Variants in NPEPPS observed in about 807,000 individuals in gnomAD.
NPEPPS encodes the protein puromycin-sensitive aminopeptidase.
Under a neutral mutation model 115.5 loss-of-function variants are expected in NPEPPS, and 14 were observed. The ratio of observed to expected loss-of-function variants is 0.12; its 90% CI spans 0.08 to 0.19. The LOEUF is 0.19. Among genes scored for constraint, NPEPPS ranks in the 10% least tolerant of loss-of-function variants. NPEPPS has a pLI of 1.00. For synonymous variants in NPEPPS, 285 were observed against 390.6 expected, an observed-to-expected ratio of 0.73 and a Z score of 3.19; for missense variants, 523 against 1,110.8, an observed-to-expected ratio of 0.47 and a Z score of 7.52.
chr17:47,549,858 A>G (rs1199870691), intron 2 of NPEPPS, among the ~76,000 whole-genome samples: 4 of 150,764 alleles, frequency 2.7e-5, no homozygotes, highest in African/African-American at 9.7e-5. Context: ...GTATATATAT[A>G]TATAATTTAA....
At chr17:47,615,554 C>T (rs180711572) in intron 19 of NPEPPS, among the ~76,000 whole-genome samples, 6 of 152,248 alleles carry the variant, frequency 3.9e-5, no homozygotes, top group African/African-American at 1.4e-4. Flanking sequence ...AAGACCCTAT[C>T]TTAAAAAAGA....
At chr17:47,588,317 T>C (rs1031136610) in intron 9 of NPEPPS, among the ~76,000 whole-genome samples, 2 of 152,262 alleles carry the variant, frequency 1.3e-5, no homozygotes, top group Non-Finnish European at 2.9e-5. Flanking sequence ...ATCCCAGCAC[T>C]TTGGGAGGCT....
chr17:47,559,596 G>A (rs778209197), intron 2 of NPEPPS: 11 of 454,218 alleles, frequency 2.4e-5, no homozygotes, highest in Non-Finnish European at 4.9e-5. Context: ...AATACTTAAG[G>A]TTCATCTTTT....
In NPEPPS at chr17:47,579,408, T is replaced by C; in HGVS notation, c.437T>C (p.Ile146Thr). The C allele has an allele frequency of 6.2e-7, 1 of 1,609,600 alleles. No homozygotes were observed. Among genetic ancestry groups the C allele is most frequent in the African/African-American group, 1.3e-5 (1 of 74,838 alleles). ...TLQTGTGTLK[I>T]DFVGELNDKM... Reference sequence around the variant, plus strand: ...ATCACAGGTACGGGAACCTTAAAGATAGATTTTGTTGGAGAGCTGAATGAC... The same window carrying C: ...ATCACAGGTACGGGAACCTTAAAGACAGATTTTGTTGGAGAGCTGAATGAC... Residue 146 changes from isoleucine (I) to threonine (T), a missense_variant, in exon 4 of 23, where the codon ATA becomes ACA. Coordinates refer to ENST00000322157, the MANE Select transcript of NPEPPS (RefSeq NM_006310.4).
intron 1 of NPEPPS, among the ~76,000 whole-genome samples, chr17:47,543,091 C>T (rs189041982): frequency 4.0e-4 from 60 of 148,968 alleles, no homozygotes; most frequent in African/African-American, 1.4e-3. Flanking sequence ...GAGCCAAGAT[C>T]GCAAGATCGC....
chr17:47,562,607 A>AGT (rs4060776), intron 2 of NPEPPS, among the ~76,000 whole-genome samples: 7,965 of 147,336 alleles, frequency 0.054, 234 homozygotes, highest in East Asian at 0.12. Flanking sequence ...TTTGATGCAG[A>AGT]GTGTGTGTGT....
At chr17:47,526,017 C>T (rs1283871815) in intron 1 of NPEPPS, among the ~76,000 whole-genome samples, 1 of 152,072 alleles carries the variant, frequency 6.6e-6, no homozygotes, top group Non-Finnish European at 1.5e-5. Context: ...TTGAGATCAG[C>T]CTGACCAACA....
chr17:47,600,949 G>A (rs1443450649), intron 14 of NPEPPS, among the ~76,000 whole-genome samples: 4 of 152,120 alleles, frequency 2.6e-5, no homozygotes, highest in East Asian at 1.9e-4. Context: ...AAGGCTGGGC[G>A]CAGTGGCTTA....
chr17:47,611,580 C>T (rs1262852616), intron 17 of NPEPPS, among the ~76,000 whole-genome samples: 1 of 152,106 alleles, frequency 6.6e-6, no homozygotes, highest in East Asian at 1.9e-4. Flanking sequence ...TCAAGCGATC[C>T]TCCCTCCCCA....
chr17:47,526,768 C>CTG (rs1301049893), upstream of NPEPPS, among the ~76,000 whole-genome samples: 1 of 151,786 alleles, frequency 6.6e-6, no homozygotes, highest in Non-Finnish European at 1.5e-5. Flanking sequence ...ACCATCCTGG[C>CTG]TAACACGGTG....
At position 47,582,448 on chromosome 17, in the gene NPEPPS, C is replaced by T. The variant is rs1231756714; in HGVS notation, c.541-294C>T. 3.3e-5 allele frequency: 12 copies of T among 360,660 alleles called. No individual in the cohort carries two copies. The East Asian group carries it at 7.8e-4, about 23-fold the overall frequency. The allele number at this position is 360,660 out of a possible 1,614,324, so 22.3% of individuals were successfully genotyped here. On this transcript the variant is annotated intron_variant, in intron 4 of 22. Transcript: ENST00000322157. ...TGTGTTAACATTATTGATTTGAAGG[C>T]ATTTGCATTAAATTTGAAATGTTAA...
chr17:47,578,484 C>G (rs1460810729), intron 3 of NPEPPS, among the ~76,000 whole-genome samples: 1 of 151,432 alleles, frequency 6.6e-6, no homozygotes, highest in Non-Finnish European at 1.5e-5. Flanking sequence ...ACTGTTTTGC[C>G]ATGCATCTGT....
intron 1 of NPEPPS, among the ~76,000 whole-genome samples, chr17:47,537,733 G>A (rs1908406396): frequency 6.6e-6 from 1 of 150,952 alleles, no homozygotes; most frequent in African/African-American, 2.4e-5. Flanking sequence ...TAATCTGAAT[G>A]GAAATATTTC....
chr17:47,543,578 C>T (rs1908946916), intron 1 of NPEPPS, among the ~76,000 whole-genome samples: 1 of 151,624 alleles, frequency 6.6e-6, no homozygotes, highest in South Asian at 2.1e-4. Context: ...CCACCCACCT[C>T]AGCCTCCCAG....
At chr17:47,588,283 C>T (rs1413841029) in intron 9 of NPEPPS, among the ~76,000 whole-genome samples, 1 of 151,944 alleles carries the variant, frequency 6.6e-6, no homozygotes, top group African/African-American at 2.4e-5. Flanking sequence ...AATTTCAGGC[C>T]GGGCACGGTG....
At chr17:47,537,180 A>G (rs1252970352) in intron 1 of NPEPPS, among the ~76,000 whole-genome samples, 1 of 152,014 alleles carries the variant, frequency 6.6e-6, no homozygotes, top group African/African-American at 2.4e-5. Flanking sequence ...AAAGGAAGAA[A>G]TTTTCTTAAA....
chr17:47,586,903 C>T (rs1412696976), intron 8 of NPEPPS: 2 of 395,698 alleles, frequency 5.1e-6, no homozygotes, highest in Non-Finnish European at 9.6e-6. Flanking sequence ...CCACCACTCC[C>T]CTCATTTAAT....
intron 5 of NPEPPS, among the ~76,000 whole-genome samples, chr17:47,585,125 C>A (rs1912108693): frequency 6.6e-6 from 1 of 152,198 alleles, no homozygotes; most frequent in African/African-American, 2.4e-5. Context: ...CCGCGCCTAG[C>A]CCCTATTTTA....
intron 1 of NPEPPS, among the ~76,000 whole-genome samples, chr17:47,531,768 GA>G (rs1907795679): frequency 6.6e-6 from 1 of 152,032 alleles, no homozygotes. Flanking sequence ...GGCCGGAGCT[GA>G]GGCTGGGGCT....
Sources: gnomAD v4.1 joint callset for allele counts (sites outside exome capture counted in the v4.1 genomes callset) on GRCh38, gnomAD v4.1.1 for gene constraint, MANE v1.5 for transcripts, NCBI Gene and HGNC (gene_info 2026-07-23, HGNC 2026-07-21) for gene names.